Variants in MDN1 observed in about 807,000 individuals in gnomAD.
MDN1 encodes the protein midasin.
A neutral mutation model predicts 669.2 loss-of-function variants in MDN1; 266 were observed. The ratio of observed to expected loss-of-function variants is 0.40; its 90% CI spans 0.36 to 0.44. MDN1 has a LOEUF of 0.44. Among genes scored for constraint, MDN1 ranks in the 20% least tolerant of loss-of-function variants. MDN1 has a pLI of 1.00. For synonymous variants in MDN1, 2,385 were observed against 2,457.1 expected (o/e 0.97, Z 0.87); for missense variants, 5,940 against 6,754.0 (o/e 0.88, Z 4.22).
intron 7 of MDN1, among the ~76,000 whole-genome samples, chr6:89,788,382 A>G (rs760138158): frequency 1.4e-4 from 21 of 152,226 alleles, no homozygotes; most frequent in Non-Finnish European, 2.5e-4. Flanking sequence ...AGGTAGTGAC[A>G]TTTGCTAAAC....
At chr6:89,677,825 T>G in intron 75 of MDN1, 129 bp from the exon 76 acceptor site, 1 of 1,230,522 alleles carries the variant, frequency 8.1e-7, no homozygotes, top group Non-Finnish European at 1.1e-6. Context: ...AAATGCAGAC[T>G]CTCAGGCTGC....
intron 33 of MDN1, among the ~76,000 whole-genome samples, chr6:89,736,713 GGGC>G (rs1815996059): frequency 6.6e-6 from 1 of 152,128 alleles, no homozygotes; most frequent in Non-Finnish European, 1.5e-5. Flanking sequence ...AGAATCACCT[GGGC>G]CCAGGAGGTC....
In MDN1 at chr6:89,688,578, C is replaced by T; in HGVS notation, c.11254G>A (p.Glu3752Lys). The T allele has an allele frequency of 6.2e-7, 1 of 1,613,252 alleles. No individual in the cohort carries two copies. Among genetic ancestry groups the T allele is most frequent in the Non-Finnish European group, 8.5e-7 (1 of 1,179,492 alleles). Residue 3752 changes from glutamate (E) to lysine (K), a missense_variant, in exon 66 of 102, where the codon GAA becomes AAA. Glu to Lys is a moderately conservative substitution (Grantham distance 56, BLOSUM62 1). Transcript: ENST00000369393. ...LQDWPEHPAL[E>K]QLLVVMDRIR... ...TTCCTCAACAGCTGCCCTACCTGTTCAAGCGCTGGGTGTTCTGGCCAGTCC... is the reference window on the plus strand; with the variant it reads ...TTCCTCAACAGCTGCCCTACCTGTTTAAGCGCTGGGTGTTCTGGCCAGTCC...
intron 75 of MDN1, 21 bp from the exon 76 acceptor site, chr6:89,677,717 C>T (rs1377211451): frequency 3.1e-6 from 5 of 1,613,712 alleles, no homozygotes; most frequent in Non-Finnish European, 4.2e-6. Context: ...AACAGCATTT[C>T]TTTAAGCAAA....
In MDN1 at chr6:89,803,468, G is replaced by A. The variant is rs1226185316; in HGVS notation, c.189C>T (p.Arg63=). 2.5e-6 allele frequency: 4 copies of A among 1,614,046 alleles called. No individual in the cohort carries two copies. The highest frequency in any genetic ancestry group is 3.4e-6 in the Non-Finnish European group (4 of 1,180,032). Residue 63 remains arginine (R), a synonymous_variant, in exon 2 of 102, where the codon CGC becomes CGT. Coordinates refer to ENST00000369393, the MANE Select transcript of MDN1 (RefSeq NM_014611.3). The part of the protein sequence containing the change: ...LDKDCTVLVG[R]QLRPLLLDLL... ...AATCCAAAAGGAGAGGGCGAAGCTGGCGACCAACCAGCACAGTACAGTCCT... is the reference window on the plus strand; with the variant it reads ...AATCCAAAAGGAGAGGGCGAAGCTGACGACCAACCAGCACAGTACAGTCCT...
At chr6:89,744,953 C>T (rs1019788907) in intron 29 of MDN1, among the ~76,000 whole-genome samples, 2 of 150,452 alleles carry the variant, frequency 1.3e-5, no homozygotes, top group Admixed American at 6.6e-5. Flanking sequence ...GGAAACTAAA[C>T]AGTAACAGAT....
At position 89,718,891 on chromosome 6, in the gene MDN1, C is replaced by A; in HGVS notation, c.6197G>T (p.Gly2066Val). 1.9e-6 allele frequency: 3 copies of A among 1,614,058 alleles called. No individual in the cohort carries two copies. Among genetic ancestry groups the A allele is most frequent in the Non-Finnish European group, 2.5e-6 (3 of 1,180,004 alleles). The change falls in exon 42 of 102, where the codon GGG becomes GTG. Residue 2066 changes from glycine to valine, a missense_variant. Physicochemically the swap from Gly to Val is moderately radical, Grantham distance 109. This residue lies in a region of MDN1 where 2,292 missense variants were observed against 2,638.3 expected (regional missense o/e 0.87). Transcript: ENST00000369393. ...VQMSWMVILV[G>V]PASVGKTSLV... ...GCTGGTCTTGCCCACAGAGGCTGGC[C>A]CGACCAGGATGACCATCCAGCTCAT...
At chr6:89,656,055 G>T in intron 91 of MDN1, 87 bp from the exon 92 acceptor site, 3 of 1,190,382 alleles carry the variant, frequency 2.5e-6, no homozygotes, top group South Asian at 1.5e-5. Flanking sequence ...ATAGGGGACA[G>T]GATAAGTAAA....
chr6:89,710,724 A>C lies in MDN1; in HGVS notation c.7722T>G (p.Gly2574=). The part of the protein sequence containing the change: ...LRNFYSHSLS[G]AVSNVFKILQ... The stretch of plus-strand genomic sequence containing the variant: ...ATATTTTGAAAACATTACTGACTGC[A>C]CCTGAGAGGGAATGTGAGTAAAAAT... The change falls in exon 50 of 102, where the codon GGT becomes GGG. Residue 2574 remains glycine (G), a synonymous_variant. Coordinates refer to ENST00000369393, the MANE Select transcript of MDN1 (RefSeq NM_014611.3). The C allele has an allele frequency of 1.2e-6, 2 of 1,601,516 alleles. No homozygotes were observed. The highest frequency in any genetic ancestry group is 1.7e-6 in the Non-Finnish European group (2 of 1,175,474).
intron 2 of MDN1, among the ~76,000 whole-genome samples, chr6:89,798,269 T>C (rs535466434): frequency 6.6e-6 from 1 of 151,522 alleles, no homozygotes; most frequent in African/African-American, 2.4e-5. Context: ...ATCCCAGCAC[T>C]TTAAGAGGCC....
chr6:89,737,398 T>C (rs915694549), intron 33 of MDN1, among the ~76,000 whole-genome samples: 1 of 152,146 alleles, frequency 6.6e-6, no homozygotes, highest in African/African-American at 2.4e-5. Context: ...ATCTTTTTTT[T>C]ATATTCTTTA....
At chr6:89,778,712 A>T (rs1172258044) in intron 11 of MDN1, among the ~76,000 whole-genome samples, 2 of 151,478 alleles carry the variant, frequency 1.3e-5, no homozygotes, top group Middle Eastern at 3.2e-3. Flanking sequence ...GTGAAACCCC[A>T]TCTCTACTAA....
intron 92 of MDN1, among the ~76,000 whole-genome samples, chr6:89,654,625 C>T (rs564643244): frequency 3.9e-5 from 6 of 152,120 alleles, no homozygotes; most frequent in African/African-American, 1.2e-4. Flanking sequence ...CAAAGTACAC[C>T]GTCAAATGCT....
At position 89,691,126 on chromosome 6, in the gene MDN1, G is replaced by C. The variant is rs576061961; in HGVS notation, c.10588-292C>G. Among the ~76,000 whole-genome samples, 14 of 152,282 alleles carry C rather than the reference G, an allele frequency of 9.2e-5. 1 individual carries two copies. In the South Asian group the frequency reaches 2.7e-3, roughly 29 times the overall value. The stretch of plus-strand genomic sequence containing the variant: ...GGGAACTTCCTGTCAAGAGGTAAAG[G>C]TGCTTTGTAACAAGGACAGACTCAG... On this transcript the variant is annotated intron_variant, in intron 63 of 101. Coordinates refer to ENST00000369393, the MANE Select transcript of MDN1 (RefSeq NM_014611.3).
chr6:89,662,759 G>T lies in MDN1; in HGVS notation c.14412+33C>A, dbSNP rs777534812. ...GTTGTGGGCAGATTACCTCCTCTCA[G>T]CTTGTTTGGGAGGGGAGAAATCTTT... On this transcript the variant is annotated intron_variant, in intron 86 of 101. Coordinates refer to ENST00000369393, the MANE Select transcript of MDN1 (RefSeq NM_014611.3). The T allele has an allele frequency of 1.9e-6, 3 of 1,609,472 alleles. No individual in the cohort carries two copies. The East Asian group carries it at 6.7e-5, about 36-fold the overall frequency.
At position 89,800,582 on chromosome 6, in the gene MDN1, A is replaced by G. The variant is rs80013115; in HGVS notation, c.329+2746T>C. 2.9e-3 allele frequency among the ~76,000 whole-genome samples: 438 copies of G among 152,248 alleles called. 1 individual carries two copies. Among genetic ancestry groups the G allele is most frequent in the African/African-American group, 0.01 (421 of 41,550 alleles). ...TACCTTGTCCTGTGCATCTCTTCTA[A>G]CTGGCTCTTCCTGAGTTGTATCCTT... On this transcript the variant is annotated intron_variant, in intron 2 of 101. Coordinates refer to ENST00000369393, the MANE Select transcript of MDN1 (RefSeq NM_014611.3).
chr6:89,761,580 T>C, intron 17 of MDN1, 65 bp downstream of exon 17: 2 of 1,194,528 alleles, frequency 1.7e-6, no homozygotes, highest in Admixed American at 2.2e-5. Flanking sequence ...AATAGTAACC[T>C]GCCTGAAACA....
chr6:89,810,001 A>AT (rs1562242731), intron 1 of MDN1, among the ~76,000 whole-genome samples: 60 of 101,048 alleles, frequency 5.9e-4, no homozygotes, highest in African/African-American at 1.3e-3. Context: ...ACTAAAAAAA[A>AT]AAAAAAAAAA....
At chr6:89,732,254 A>AT (rs1300642071) in intron 34 of MDN1, among the ~76,000 whole-genome samples, 2 of 150,750 alleles carry the variant, frequency 1.3e-5, no homozygotes, top group African/African-American at 4.9e-5. Flanking sequence ...CCAGAACTTA[A>AT]TTTAAAAAAA....
Sources: gnomAD v4.1 joint callset for allele counts (sites outside exome capture counted in the v4.1 genomes callset) on GRCh38, gnomAD v4.1.1 for gene constraint, gnomAD v4.1.1 regional missense constraint, MANE v1.5 for transcripts, NCBI Gene and HGNC (gene_info 2026-07-23, HGNC 2026-07-21) for gene names.